The following CCDC171 variants were observed in gnomAD, a reference collection of about 807,000 sequenced individuals.
CCDC171 encodes the protein coiled-coil domain containing 171, also known as coiled-coil domain-containing protein 171.
Under a neutral mutation model 168.2 loss-of-function variants are expected in CCDC171, and 177 were observed. That is an observed-to-expected ratio of 1.05 (90% CI 0.93 to 1.19). The LOEUF is 1.19. Among genes scored for constraint, CCDC171 ranks in the 50% most tolerant of loss-of-function variants. The pLI, the probability that CCDC171 is intolerant of heterozygous loss-of-function variation, is 0.00. For missense variants in CCDC171, 1,991 were observed against 1,539.0 expected (o/e 1.29, Z -4.91); for synonymous variants, 687 against 540.8 (o/e 1.27, Z -3.75).
intron 11 of CCDC171, among the ~76,000 whole-genome samples, chr9:15,702,343 A>G (rs2051821047): frequency 6.6e-6 from 1 of 152,116 alleles, no homozygotes; most frequent in Admixed American, 6.5e-5. Flanking sequence ...CTGGTAATGT[A>G]GCTTGTCAGT....
chr9:15,670,760 T>C (rs1286056506), intron 9 of CCDC171, among the ~76,000 whole-genome samples: 1 of 152,228 alleles, frequency 6.6e-6, no homozygotes, highest in Non-Finnish European at 1.5e-5. Context: ...TTGTTATTTA[T>C]TGTCTGTCTT....
intron 1 of CCDC171, among the ~76,000 whole-genome samples, chr9:15,559,032 G>T (rs2039049735): frequency 6.6e-6 from 1 of 152,166 alleles, no homozygotes; most frequent in Non-Finnish European, 1.5e-5. Flanking sequence ...TTTCCACGTA[G>T]TTGAGCGGTT....
Position 15,623,326 on chromosome 9 carries a change from T to C in CCDC171, c.735T>C (p.His245=), listed in dbSNP as rs919853685. ...AAGTAGAAAAATTAGAAACAGAACA[T>C]ATGGACTGCTCTGACCTTTTACGGC... ...HKKVEKLETE[H]MDCSDLLRRQ... The change falls in exon 7 of 26, where the codon CAT becomes CAC. Residue 245 remains histidine, a synonymous_variant. Coordinates refer to ENST00000380701, the MANE Select transcript of CCDC171 (RefSeq NM_173550.4). 3 of 1,609,016 alleles carry C rather than the reference T, an allele frequency of 1.9e-6. No homozygotes were observed. Among genetic ancestry groups the C allele is most frequent in the South Asian group, 1.1e-5 (1 of 90,332 alleles).
At chr9:16,041,928 T>C (rs911124019), upstream of CCDC171, among the ~76,000 whole-genome samples, 1 of 152,194 alleles carries the variant, frequency 6.6e-6, no homozygotes, top group African/African-American at 2.4e-5. Flanking sequence ...AAAATGTGCA[T>C]TTTGGGGGCA....
intron 3 of CCDC171, among the ~76,000 whole-genome samples, chr9:15,989,883 G>C (rs57941208): frequency 0.079 from 11,973 of 152,042 alleles, 1,468 homozygotes; most frequent in African/African-American, 0.27. Context: ...AGAGAAAAAA[G>C]AGTAAAAAGA....
At chr9:15,940,901 G>A (rs1401895586) in intron 25 of CCDC171, among the ~76,000 whole-genome samples, 1 of 151,838 alleles carries the variant, frequency 6.6e-6, no homozygotes, top group Admixed American at 6.6e-5. Flanking sequence ...GTTAATCTTT[G>A]CCCTGCCAAC....
intron 25 of CCDC171, among the ~76,000 whole-genome samples, chr9:15,957,379 C>T (rs561973570): frequency 8.5e-5 from 13 of 152,260 alleles, no homozygotes; most frequent in African/African-American, 2.6e-4. Flanking sequence ...CACAAAGTTC[C>T]CGCAGACTGG....
chr9:15,931,860 A>T (rs1826559558), intron 25 of CCDC171, among the ~76,000 whole-genome samples: 1 of 151,768 alleles, frequency 6.6e-6, no homozygotes, highest in Admixed American at 6.6e-5. Flanking sequence ...TTTTCCCAAT[A>T]CTATTTATTG....
intron 25 of CCDC171, among the ~76,000 whole-genome samples, chr9:15,966,586 A>G (rs900185951): frequency 6.6e-6 from 1 of 152,280 alleles, no homozygotes; most frequent in Middle Eastern, 3.4e-3. Flanking sequence ...TCTTGTTAAT[A>G]TATTCTACCT....
chr9:15,936,678 A>T (rs1473986828), intron 25 of CCDC171, among the ~76,000 whole-genome samples: 1 of 152,200 alleles, frequency 6.6e-6, no homozygotes, highest in East Asian at 1.9e-4. Context: ...AGGACCTCTC[A>T]TGAGCCACTG....
intron 3 of CCDC171, among the ~76,000 whole-genome samples, chr9:15,575,646 T>C (rs905825588): frequency 1.3e-5 from 2 of 152,198 alleles, no homozygotes; most frequent in Non-Finnish European, 2.9e-5. Flanking sequence ...ACTTATAATT[T>C]TATTTTTATT....
chr9:15,571,562 G>T lies in CCDC171; in HGVS notation c.42-62G>T, dbSNP rs1047986665. The stretch of plus-strand genomic sequence containing the variant: ...GAAAAATAAGTTATCAAAAATATCA[G>T]AAATGCTCTGAAATGTGCTTTATGA... On this transcript the variant is annotated intron_variant, in intron 2 of 25. Transcript: ENST00000380701. 2.3e-6 allele frequency: 3 copies of T among 1,301,170 alleles called. No individual in the cohort carries two copies. The African/African-American group carries it at 4.7e-5, about 20-fold the overall frequency. 80.6% of individuals were successfully genotyped at this position (1,301,170 alleles called of 1,614,324 possible). A position where few individuals can be genotyped will look rare whatever the true frequency, so the allele number is the denominator to read the frequency against.
chr9:15,749,716 A>G (rs1052102093), intron 18 of CCDC171, among the ~76,000 whole-genome samples: 2 of 152,228 alleles, frequency 1.3e-5, no homozygotes, highest in Non-Finnish European at 2.9e-5. Context: ...CTGCTCCTGA[A>G]TGACTACTGG....
rs1220466037 is a variant in CCDC171 at position 15,784,540 on chromosome 9, C to A, written c.3113C>A (p.Ala1038Glu). Residue 1038 changes from alanine (A) to glutamate (E), a missense_variant, in exon 21 of 26, where the codon GCA becomes GAA. Ala to Glu is a moderately radical substitution (Grantham distance 107, BLOSUM62 -1). Transcript: ENST00000380701. ...ATCACCCATGAGAAGTTTGAAAGTG[C>A]ATGTGAAGAACTAAATAATGCATTA... The part of the protein sequence containing the change: ...KLITHEKFES[A>E]CEELNNALLR... The A allele has an allele frequency of 6.2e-7, 1 of 1,612,884 alleles. No individual in the cohort carries two copies. The highest frequency in any genetic ancestry group is 8.5e-7 in the Non-Finnish European group (1 of 1,179,266).
At chr9:15,642,722 A>G (rs917233819) in intron 7 of CCDC171, among the ~76,000 whole-genome samples, 4 of 152,162 alleles carry the variant, frequency 2.6e-5, no homozygotes, top group Non-Finnish European at 5.9e-5. Context: ...TAAGCACCTT[A>G]TAATTTTCTG....
At chr9:15,798,128 A>C (rs939511750) in intron 21 of CCDC171, among the ~76,000 whole-genome samples, 1 of 151,940 alleles carries the variant, frequency 6.6e-6, no homozygotes, top group Non-Finnish European at 1.5e-5. Flanking sequence ...TGTATTTGCT[A>C]TTTGGGTCCA....
intron 7 of CCDC171, among the ~76,000 whole-genome samples, chr9:15,630,878 T>C (rs893625551): frequency 9.9e-5 from 15 of 152,116 alleles, no homozygotes; most frequent in Non-Finnish European, 1.6e-4. Flanking sequence ...CACTCAAAAC[T>C]GCTCAACTAC....
At chr9:15,752,670 C>G (rs2055835305) in intron 18 of CCDC171, among the ~76,000 whole-genome samples, 1 of 152,138 alleles carries the variant, frequency 6.6e-6, no homozygotes, top group Non-Finnish European at 1.5e-5. Flanking sequence ...CATGTTCTCA[C>G]TCATAAGTGG....
chr9:15,942,863 C>A (rs372891160), intron 25 of CCDC171, among the ~76,000 whole-genome samples: 1 of 151,624 alleles, frequency 6.6e-6, no homozygotes, highest in Non-Finnish European at 1.5e-5. Flanking sequence ...AATGCTCCTA[C>A]AATATTAATA....
Sources: gnomAD v4.1 joint callset for allele counts (sites outside exome capture counted in the v4.1 genomes callset) on GRCh38, gnomAD v4.1.1 for gene constraint, MANE v1.5 for transcripts, NCBI Gene and HGNC (gene_info 2026-07-23, HGNC 2026-07-21) for gene names.